Variants in FTO observed in about 807,000 individuals in gnomAD.
FTO encodes the protein alpha-ketoglutarate-dependent dioxygenase FTO.
FTO carries 47 observed loss-of-function variants against 63.9 expected under a neutral mutation model. The ratio of observed to expected loss-of-function variants is 0.74; its 90% CI spans 0.58 to 0.94. The LOEUF is 0.94. Ranked by LOEUF, FTO falls within the 40% of genes least tolerant of loss-of-function variation. The pLI is 0.00. For missense variants in FTO, 562 were observed against 618.1 expected, an observed-to-expected ratio of 0.91 and a Z score of 0.96; for synonymous variants, 207 against 224.4, an observed-to-expected ratio of 0.92 and a Z score of 0.69.
chr16:54,054,044 G>A (rs1291484189), intron 8 of FTO, among the ~76,000 whole-genome samples: 2 of 151,866 alleles, frequency 1.3e-5, no homozygotes, highest in East Asian at 1.9e-4. Flanking sequence ...ACTTTCTGCA[G>A]TTTAGTTATT....
chr16:53,837,774 T>C (rs186529195), intron 3 of FTO, among the ~76,000 whole-genome samples: 32 of 152,320 alleles, frequency 2.1e-4, no homozygotes, highest in African/African-American at 7.5e-4. Context: ...GCTGGGAACG[T>C]GTCTAGAAAA....
At chr16:53,805,005 C>T (rs970324271) in intron 1 of FTO, among the ~76,000 whole-genome samples, 2 of 152,108 alleles carry the variant, frequency 1.3e-5, no homozygotes, top group Admixed American at 6.6e-5. Flanking sequence ...CACTTAAAAC[C>T]CTCATAAGAT....
intron 8 of FTO, chr16:54,069,848 C>A (rs530636841): frequency 6.6e-6 from 1 of 152,224 alleles, no homozygotes; most frequent in East Asian, 1.9e-4. Flanking sequence ...GTTGTGCTAG[C>A]CCTTGCCGCT....
chr16:54,050,583 T>C (rs1241931474), intron 8 of FTO, among the ~76,000 whole-genome samples: 1 of 152,142 alleles, frequency 6.6e-6, no homozygotes, highest in Non-Finnish European at 1.5e-5. Context: ...CTCCAGTCCA[T>C]ACTTTACCTC....
intron 5 of FTO, 50 bp from the exon 6 acceptor site, chr16:53,879,794 G>A: frequency 1.2e-6 from 2 of 1,603,708 alleles, no homozygotes; most frequent in South Asian, 2.2e-5. Context: ...GGATGGTAGA[G>A]TAAACTTAGA....
At chr16:53,977,230 A>G (rs1169256338) in intron 8 of FTO, among the ~76,000 whole-genome samples, 1 of 152,136 alleles carries the variant, frequency 6.6e-6, no homozygotes, top group Non-Finnish European at 1.5e-5. Flanking sequence ...GGAGGAGGTT[A>G]TCTACTGAGA....
chr16:53,929,728 C>T (rs548114056), intron 7 of FTO, among the ~76,000 whole-genome samples: 21 of 152,284 alleles, frequency 1.4e-4, no homozygotes, highest in Non-Finnish European at 2.6e-4. Flanking sequence ...AATTGTGTTT[C>T]GCAGTGCCTT....
At chr16:53,789,809 CATGTAT>C (rs2077850511) in intron 1 of FTO, among the ~76,000 whole-genome samples, 1 of 147,688 alleles carries the variant, frequency 6.8e-6, no homozygotes, top group Non-Finnish European at 1.5e-5. Context: ...TACATGTGTA[CATGTAT>C]ATAAACATGT....
intron 8 of FTO, among the ~76,000 whole-genome samples, chr16:54,051,767 C>A (rs1290335871): frequency 6.6e-6 from 1 of 152,208 alleles, no homozygotes; most frequent in Non-Finnish European, 1.5e-5. Flanking sequence ...ATTTAAAAGG[C>A]AGCTTCTTTT....
chr16:53,772,247 A>G (rs116676397), intron 1 of FTO, among the ~76,000 whole-genome samples: 2,669 of 151,490 alleles, frequency 0.018, 75 homozygotes, highest in African/African-American at 0.061. Flanking sequence ...ACTGGCCCCT[A>G]TTTTGTTCCT....
chr16:54,057,235 A>C (rs560030802), intron 8 of FTO, among the ~76,000 whole-genome samples: 1 of 152,264 alleles, frequency 6.6e-6, no homozygotes, highest in African/African-American at 2.4e-5. Context: ...GTTCCAGCAA[A>C]CCTTGTTTAG....
intron 8 of FTO, among the ~76,000 whole-genome samples, chr16:54,076,027 T>TG (rs1301374133): frequency 6.6e-6 from 1 of 152,148 alleles, no homozygotes; most frequent in African/African-American, 2.4e-5. Flanking sequence ...AGTGCAGGCT[T>TG]GGGACGGTTA....
chr16:53,760,205 G>GGTGTGTGTGTGTGT (rs1173270081), intron 1 of FTO, among the ~76,000 whole-genome samples: 1 of 125,594 alleles, frequency 8.0e-6, no homozygotes, highest in Admixed American at 8.6e-5. Flanking sequence ...CTTCAGCTTT[G>GGTGTGTGTGTGTGT]GTGTGTGTGT....
chr16:53,914,278 T>C (rs911707735), intron 7 of FTO, among the ~76,000 whole-genome samples: 1 of 151,628 alleles, frequency 6.6e-6, no homozygotes, highest in East Asian at 1.9e-4. Flanking sequence ...TTTTGTCCTG[T>C]TTCAAATTCT....
At chr16:53,770,689 G>A (rs1284279135) in intron 1 of FTO, among the ~76,000 whole-genome samples, 1 of 151,942 alleles carries the variant, frequency 6.6e-6, no homozygotes, top group Non-Finnish European at 1.5e-5. Context: ...ATTTACTGCT[G>A]TGATATCCAA....
chr16:53,845,981 G>T (rs189079212), intron 4 of FTO, among the ~76,000 whole-genome samples: 123 of 152,232 alleles, frequency 8.1e-4, no homozygotes, highest in African/African-American at 2.9e-3. Context: ...TGTGAACATT[G>T]CTTTGCAGTT....
Position 53,802,220 on chromosome 16 carries a change from G to A in FTO, c.46-7920G>A, listed in dbSNP as rs563888107. 1.4e-3 allele frequency among the ~76,000 whole-genome samples: 208 copies of A among 152,156 alleles called. 1 individual carries two copies. The highest frequency in any genetic ancestry group is 4.6e-3 in the African/African-American group (193 of 41,516). The stretch of plus-strand genomic sequence containing the variant: ...CATGTCGCATTTGCATATAACCTAT[G>A]CACATCTTCCTATGTACTTTAAATC... On this transcript the variant is annotated intron_variant, in intron 1 of 8. Transcript: ENST00000471389.
chr16:54,036,834 A>C (rs879683980), intron 8 of FTO, among the ~76,000 whole-genome samples: 2 of 152,222 alleles, frequency 1.3e-5, no homozygotes, highest in African/African-American at 2.4e-5. Context: ...GTTAACTGTG[A>C]GTCCTTTTTG....
chr16:53,932,539 G>A (rs1414473960), intron 7 of FTO, among the ~76,000 whole-genome samples: 1 of 151,722 alleles, frequency 6.6e-6, no homozygotes, highest in Non-Finnish European at 1.5e-5. Flanking sequence ...ATATGTGCAC[G>A]CCACCACGCC....
Sources: allele counts gnomAD v4.1 joint callset (sites outside exome capture counted in the v4.1 genomes callset), GRCh38; gene constraint gnomAD v4.1.1; transcripts MANE v1.5; gene names NCBI Gene and HGNC (gene_info 2026-07-23, HGNC 2026-07-21).